ETS1: variants seen among roughly 807,000 people sequenced by gnomAD.
The protein encoded by ETS1 is ETS proto-oncogene 1, transcription factor, also known as protein C-ets-1.
A neutral mutation model predicts 58.6 loss-of-function variants in ETS1; 15 were observed. The ratio of observed to expected loss-of-function variants is 0.26; its 90% CI spans 0.17 to 0.39. The LOEUF (loss-of-function observed/expected upper bound fraction) is 0.39, where lower values mean the gene tolerates loss of function less well. Ranked by LOEUF, ETS1 falls within the 10% of genes least tolerant of loss-of-function variation. The pLI, the probability that ETS1 is intolerant of heterozygous loss-of-function variation, is 1.00. For missense variants in ETS1, 417 were observed against 610.5 expected (o/e 0.68, Z 3.34); for synonymous variants, 214 against 218.2 (o/e 0.98, Z 0.17).
At chr11:128,491,157 C>T (rs555844497) in intron 3 of ETS1, among the ~76,000 whole-genome samples, 3 of 152,178 alleles carry the variant, frequency 2.0e-5, no homozygotes, top group Admixed American at 6.5e-5. Context: ...TCACATTTAC[C>T]GAGAATATTA....
In ETS1 at chr11:128,585,047, A is replaced by G. The variant is rs1311900774; in HGVS notation, c.-15+2441T>C. ...AGAAAGAAAGAAAAGAAAGAAAGAAAGAAAGAAAGAAAGAAAGAAAGAAAG... is the reference window on the plus strand; with the variant it reads ...AGAAAGAAAGAAAAGAAAGAAAGAAGGAAAGAAAGAAAGAAAGAAAGAAAG... On this transcript the variant is annotated intron_variant, in intron 1 of 9. Transcript: ENST00000392668. 6.2e-4 allele frequency among the ~76,000 whole-genome samples: 15 copies of G among 24,306 alleles called. 3 individuals carry two copies. The highest frequency in any genetic ancestry group is 2.3e-3 in the Admixed American group (6 of 2,588). The allele number at this position is 24,306 out of a possible 152,430, so 15.9% of individuals were successfully genotyped here.
intron 3 of ETS1, chr11:128,527,249 G>A (rs1863817764): frequency 4.0e-6 from 1 of 251,304 alleles, no homozygotes; most frequent in South Asian, 3.8e-5. Context: ...TGGCTCTATT[G>A]CTGTCTGCAG....
At chr11:128,528,924 A>T (rs1863850024) in intron 3 of ETS1, 1 of 152,218 alleles carries the variant, frequency 6.6e-6, no homozygotes, top group African/African-American at 2.4e-5. Context: ...CTTCATGTAA[A>T]AAATGACATT....
At chr11:128,559,893 C>T (rs1864377212) in intron 2 of ETS1, among the ~76,000 whole-genome samples, 1 of 152,224 alleles carries the variant, frequency 6.6e-6, no homozygotes, top group African/African-American at 2.4e-5. Flanking sequence ...CCAAACAGGT[C>T]CCTGCTTATT....
chr11:128,503,638 C>T (rs528471652), intron 3 of ETS1, among the ~76,000 whole-genome samples: 3 of 152,134 alleles, frequency 2.0e-5, no homozygotes, highest in African/African-American at 7.2e-5. Flanking sequence ...TGACCTGGTA[C>T]GGTACTTCAT....
intron 3 of ETS1, among the ~76,000 whole-genome samples, chr11:128,513,899 A>G (rs1189848651): frequency 6.6e-6 from 1 of 152,222 alleles, no homozygotes; most frequent in Non-Finnish European, 1.5e-5. Flanking sequence ...AAAAAAGAAA[A>G]AGAAAATCAG....
intron 3 of ETS1, among the ~76,000 whole-genome samples, chr11:128,551,734 T>A (rs1443981747): frequency 1.3e-5 from 2 of 152,152 alleles, no homozygotes; most frequent in African/African-American, 4.8e-5. Flanking sequence ...AGTGGGTCAC[T>A]CTCTGACTCA....
At chr11:128,540,596 C>G (rs1401143194) in intron 3 of ETS1, among the ~76,000 whole-genome samples, 1 of 152,106 alleles carries the variant, frequency 6.6e-6, no homozygotes, top group African/African-American at 2.4e-5. Context: ...ATCTTAAGAC[C>G]ATATGCTTCA....
intron 8 of ETS1, among the ~76,000 whole-genome samples, chr11:128,478,957 T>C (rs953492710): frequency 6.6e-6 from 1 of 152,238 alleles, no homozygotes; most frequent in Non-Finnish European, 1.5e-5. Flanking sequence ...TTAAGTTCCA[T>C]TCCTGGCCTT....
intron 3 of ETS1, among the ~76,000 whole-genome samples, chr11:128,515,030 C>T (rs1303109699): frequency 3.3e-5 from 5 of 151,956 alleles, no homozygotes; most frequent in African/African-American, 1.2e-4. Context: ...CCTTTCCTCC[C>T]CTTCTAAAGA....
At chr11:128,504,456 T>G (rs1863177071) in intron 3 of ETS1, among the ~76,000 whole-genome samples, 1 of 152,266 alleles carries the variant, frequency 6.6e-6, no homozygotes, top group Admixed American at 6.5e-5. Flanking sequence ...AGGGATGTTC[T>G]CTTTCCTTGC....
At chr11:128,514,319 A>G (rs1863466788) in intron 3 of ETS1, among the ~76,000 whole-genome samples, 1 of 152,040 alleles carries the variant, frequency 6.6e-6, no homozygotes, top group Non-Finnish European at 1.5e-5. Context: ...TCCTACTTTC[A>G]AAGGCAAAAT....
chr11:128,505,826 A>T (rs1210739075), intron 3 of ETS1, among the ~76,000 whole-genome samples: 3 of 152,210 alleles, frequency 2.0e-5, no homozygotes, highest in African/African-American at 7.2e-5. Context: ...GCTCTGCCTC[A>T]TCAGGAAGCC....
rs1031901207 is a variant in ETS1, at chr11:128,557,928, A to G, written c.70-1493T>C. On this transcript the variant is annotated intron_variant, in intron 2 of 9. Coordinates refer to ENST00000392668, the MANE Select transcript of ETS1 (RefSeq NM_001143820.2). ...ACTATGTTAGATTCAGTTGCCCACT[A>G]TCTGCTCCCTTTCCCAATTTGCAAT... Among the ~76,000 whole-genome samples the G allele has an allele frequency of 3.3e-5, 5 of 152,336 alleles. No individual in the cohort carries two copies. In the South Asian group the frequency reaches 6.2e-4, roughly 19 times the overall value.
chr11:128,481,160 T>A (rs1355515716), intron 7 of ETS1, among the ~76,000 whole-genome samples: 1 of 151,970 alleles, frequency 6.6e-6, no homozygotes, highest in Non-Finnish European at 1.5e-5. Flanking sequence ...ATATTCTTTA[T>A]CCTCTCCAAG....
chr11:128,566,973 C>T lies in ETS1; in HGVS notation c.69+6089G>A, dbSNP rs1591667843. Among the ~76,000 whole-genome samples, 4 of 152,242 alleles carry T rather than the reference C, an allele frequency of 2.6e-5. 1 individual carries two copies. Among genetic ancestry groups the T allele is most frequent in the Admixed American group, 2.6e-4 (4 of 15,294 alleles). On this transcript the variant is annotated intron_variant, in intron 2 of 9. Transcript: ENST00000392668. ...GTAAGGTGCGTTGGCTTCTGCCTCA[C>T]CAGAGGGCCTGAAGGTGGAAATAGA...
At chr11:128,586,402 C>T (rs1865031979) in intron 1 of ETS1, among the ~76,000 whole-genome samples, 1 of 132,136 alleles carries the variant, frequency 7.6e-6, no homozygotes, top group Admixed American at 7.1e-5. Flanking sequence ...TTGTGCACAG[C>T]CCACGGCCCC....
intron 8 of ETS1, among the ~76,000 whole-genome samples, chr11:128,467,934 C>T (rs1198407659): frequency 1.3e-5 from 2 of 152,170 alleles, no homozygotes; most frequent in South Asian, 2.1e-4. Flanking sequence ...AGCCTCCACA[C>T]CCCCTGCTGT....
At chr11:128,484,676 T>C (rs1160746039) in intron 7 of ETS1, 147 bp downstream of exon 7, 1 of 675,206 alleles carries the variant, frequency 1.5e-6, no homozygotes, top group African/African-American at 1.8e-5. Flanking sequence ...AAGTTCTTAG[T>C]ATCTGGACAC....
Sources: allele counts gnomAD v4.1 joint callset (sites outside exome capture counted in the v4.1 genomes callset), GRCh38; gene constraint gnomAD v4.1.1; transcripts MANE v1.5; gene names NCBI Gene and HGNC (gene_info 2026-07-23, HGNC 2026-07-21).